The following RASGRP4 variants were observed in gnomAD, a reference collection of about 807,000 sequenced individuals.
The protein encoded by RASGRP4 is RAS guanyl releasing protein 4.
A neutral mutation model predicts 84.4 loss-of-function variants in RASGRP4; 52 were observed. The observed-to-expected ratio is 0.62, with a 90% confidence interval of 0.49 to 0.78. The LOEUF (loss-of-function observed/expected upper bound fraction) is 0.78. Among genes scored for constraint, RASGRP4 ranks in the 30% least tolerant of loss-of-function variants. RASGRP4 has a pLI of 0.00. For synonymous variants in RASGRP4, 356 were observed against 359.1 expected, an observed-to-expected ratio of 0.99 and a Z score of 0.10; for missense variants, 760 against 886.9, an observed-to-expected ratio of 0.86 and a Z score of 1.82.
chr19:38,410,742 C>A, intron 16 of RASGRP4, 144 bp downstream of exon 16: 1 of 628,948 alleles, frequency 1.6e-6, no homozygotes, highest in Non-Finnish European at 2.8e-6. Context: ...AAAAAGTAAC[C>A]AGTATCCATA....
At chr19:38,420,567 A>G (rs902991986) in intron 4 of RASGRP4, among the ~76,000 whole-genome samples, 3 of 150,404 alleles carry the variant, frequency 2.0e-5, no homozygotes, top group Non-Finnish European at 4.4e-5. Context: ...TCCGGGGGTG[A>G]AATTTTTGGA....
At position 38,422,116 on chromosome 19, in the gene RASGRP4, G is replaced by GA. The variant is rs1568415683; in HGVS notation, c.60_61insT (p.Arg21SerfsTer33). On this transcript the variant is annotated frameshift_variant, in exon 2 of 17. Coordinates refer to ENST00000615439, the MANE Select transcript of RASGRP4 (RefSeq NM_170604.3). LOFTEE classifies it high-confidence loss of function. The stretch of plus-strand genomic sequence containing the variant: ...CGGCGCACTTGGCGGGGCCGGCCTC[G>GA]CCCTCCTATTTTTCCGGTGCATTCC... The GA allele has an allele frequency of 6.2e-7, 1 of 1,612,580 alleles. No homozygotes were observed. The highest frequency in any genetic ancestry group is 2.2e-5 in the East Asian group (1 of 44,830).
chr19:38,422,543 T>A (rs1305874379), intron 1 of RASGRP4, among the ~76,000 whole-genome samples: 1 of 152,004 alleles, frequency 6.6e-6, no homozygotes, highest in Non-Finnish European at 1.5e-5. Flanking sequence ...GGCATTAGAC[T>A]CTCTTAGGAG....
At position 38,415,090 on chromosome 19, in the gene RASGRP4, G is replaced by A. The variant is rs1208221586; in HGVS notation, c.988C>T (p.His330Tyr). 1.3e-6 allele frequency: 2 copies of A among 1,599,982 alleles called. No homozygotes were observed. Among genetic ancestry groups the A allele is most frequent in the Non-Finnish European group, 8.5e-7 (1 of 1,173,308 alleles). The change falls in exon 9 of 17, where the codon CAC becomes TAC. Residue 330 changes from histidine to tyrosine, a missense_variant. Transcript: ENST00000615439. ...CGGCGGTAGCGGGCGTAGTTGTTGT[G>A]GGAGGCAAGGAGCTCAGTGAGCTCC... ...LLELTELLASHNNYARYRRTW... is the reference protein window; with the variant it reads ...LLELTELLASYNNYARYRRTW...
At chr19:38,424,002 G>A (rs541834764) in intron 1 of RASGRP4, among the ~76,000 whole-genome samples, 127 of 152,294 alleles carry the variant, frequency 8.3e-4, no homozygotes, top group African/African-American at 3.0e-3. Flanking sequence ...GTAGAATCCA[G>A]AAATTTTTGC....
rs1388053792 is a variant in RASGRP4 at position 38,417,476 on chromosome 19, A to G, written c.838-308T>C. On this transcript the variant is annotated intron_variant, in intron 7 of 16. Coordinates refer to ENST00000615439, the MANE Select transcript of RASGRP4 (RefSeq NM_170604.3). This position sits in a 1 kb window ranked among gnomAD's most constrained non-coding sequence, Gnocchi z 5.1. ...TTTGGGGAATAGACAGGTGTGTGTC[A>G]GGTGGAGGAGGCTTCAGACATGTCA... 1.3e-5 allele frequency among the ~76,000 whole-genome samples: 2 copies of G among 152,182 alleles called. No individual in the cohort carries two copies. The highest frequency in any genetic ancestry group is 6.5e-5 in the Admixed American group (1 of 15,276).
intron 9 of RASGRP4, 23 bp downstream of exon 9, chr19:38,414,825 T>C (rs1237476047): frequency 6.4e-7 from 1 of 1,562,342 alleles, no homozygotes; most frequent in Non-Finnish European, 8.7e-7. Flanking sequence ...AAGCCCAGCC[T>C]GGGCGGGGCC....
intron 3 of RASGRP4, 44 bp downstream of exon 3, chr19:38,421,051 C>T (rs748550730): frequency 5.0e-6 from 8 of 1,605,020 alleles, no homozygotes; most frequent in Non-Finnish European, 6.8e-6. Flanking sequence ...TCTCACGACT[C>T]TGCCCTCTGC....
chr19:38,417,011 A>G lies in RASGRP4; in HGVS notation c.954+41T>C. 8.1e-7 allele frequency: 1 copy of G among 1,230,644 alleles called. No individual in the cohort carries two copies. The highest frequency in any genetic ancestry group is 2.0e-5 in the Admixed American group (1 of 50,608). The allele number at this position is 1,230,644 out of a possible 1,614,324, so 76.2% of individuals were successfully genotyped here. A position where few individuals can be genotyped will look rare whatever the true frequency, so the allele number is the denominator to read the frequency against. On this transcript the variant is annotated intron_variant, in intron 8 of 16. Coordinates refer to ENST00000615439, the MANE Select transcript of RASGRP4 (RefSeq NM_170604.3). The surrounding 1 kb of genome is among the most constrained non-coding windows in gnomAD (Gnocchi z 5.1). The stretch of plus-strand genomic sequence containing the variant: ...GGAATTAGGTGTGGGGGCTCAAGAC[A>G]GCTGACCACTTGGAGCTTTGGGGAG...
rs1339108409 is a variant in RASGRP4, at chr19:38,417,068, C to G, written c.938G>C (p.Ser313Thr). Residue 313 changes from serine (S) to threonine (T), a missense_variant, in exon 8 of 17, where the codon AGC becomes ACC. Transcript: ENST00000615439. This position sits in a 1 kb window ranked among gnomAD's most constrained non-coding sequence, Gnocchi z 5.1. Reference protein sequence around the residue: ...SRLKDSHAHLSPDSTKALLEL... With the variant: ...SRLKDSHAHLTPDSTKALLEL... ...GGGATTCACCTTGGTGCTGTCAGGG[C>G]TCAGGTGGGCATGGGAGTCCTTGAG... 6 of 1,555,748 alleles carry G rather than the reference C, an allele frequency of 3.9e-6. No individual in the cohort carries two copies. The highest frequency in any genetic ancestry group is 5.2e-6 in the Non-Finnish European group (6 of 1,148,144).
chr19:38,415,369 T>C (rs1223806139), intron 8 of RASGRP4, among the ~76,000 whole-genome samples: 1 of 149,388 alleles, frequency 6.7e-6, no homozygotes, highest in Non-Finnish European at 1.5e-5. Flanking sequence ...TCTTTCTTTT[T>C]GATTTTTTTT....
intron 1 of RASGRP4, among the ~76,000 whole-genome samples, chr19:38,424,981 C>T (rs1045485129): frequency 5.9e-5 from 9 of 151,840 alleles, no homozygotes; most frequent in Admixed American, 5.3e-4. Flanking sequence ...GTCAAGAGAT[C>T]GAGACCATCC....
At position 38,426,068 on chromosome 19, in the gene RASGRP4, C is replaced by T; in HGVS notation, c.23+1G>A. 1 of 1,359,144 alleles carries T rather than the reference C, an allele frequency of 7.4e-7. No homozygotes were observed. The allele number at this position is 1,359,144 out of a possible 1,614,324, so 84.2% of individuals were successfully genotyped here. On this transcript the variant is annotated splice_donor_variant, in intron 1 of 16. Coordinates refer to ENST00000615439, the MANE Select transcript of RASGRP4 (RefSeq NM_170604.3). LOFTEE classifies it high-confidence loss of function. ...GGGCTCCCTGGGGAGGGTCCTCTCA[C>T]CTCTTACTGTCTTTTCTGTTCATGC... is the stretch of plus-strand genomic sequence containing the variant.
In RASGRP4 at chr19:38,426,149, C is replaced by T; in HGVS notation, c.-58G>A. 3 of 1,268,958 alleles carry T rather than the reference C, an allele frequency of 2.4e-6. No homozygotes were observed. The highest frequency in any genetic ancestry group is 3.0e-6 in the Non-Finnish European group (3 of 994,360). The allele number at this position is 1,268,958 out of a possible 1,614,324, so 78.6% of individuals were successfully genotyped here. On this transcript the variant is annotated 5_prime_UTR_variant, in exon 1 of 17. Transcript: ENST00000615439. ...TTGCAAGAGTAGGGCTCAGCTCCTC[C>T]CCTTGCCCAGGACTCCAGCTTCTCA... is the stretch of plus-strand genomic sequence containing the variant.
chr19:38,418,777 T>C lies in RASGRP4; in HGVS notation c.664-213A>G, dbSNP rs1308060247. ...GGCATGTTTCAATATAGCCAGGCAC[T>C]ATATTTGACAAGTAATCATATTAAA... On this transcript the variant is annotated intron_variant, in intron 6 of 16. Coordinates refer to ENST00000615439, the MANE Select transcript of RASGRP4 (RefSeq NM_170604.3). The surrounding 1 kb of genome is among the most constrained non-coding windows in gnomAD (Gnocchi z 4.6). 6.6e-6 allele frequency among the ~76,000 whole-genome samples: 1 copy of C among 152,206 alleles called. No individual in the cohort carries two copies. Among genetic ancestry groups the C allele is most frequent in the Non-Finnish European group, 1.5e-5 (1 of 68,036 alleles).
At chr19:38,414,809 C>G (rs749011048) in intron 9 of RASGRP4, 39 bp downstream of exon 9, 2 of 1,541,472 alleles carry the variant, frequency 1.3e-6, no homozygotes, top group East Asian at 2.4e-5. Flanking sequence ...ATCTCAGTAC[C>G]CTTGGAAGCC....
chr19:38,414,863 C>T lies in RASGRP4; in HGVS notation c.1215G>A (p.Leu405=). ...QHPPCSANED[L]LHLLTLSLDL... ...GGGGGCTCACCGTGAGCAGGTGCAG[C>T]AGATCCTCATTGGCGCTGCAGGGTG... is the stretch of plus-strand genomic sequence containing the variant. The change falls in exon 9 of 17, where the codon CTG becomes CTA. Residue 405 remains leucine, a synonymous_variant. Coordinates refer to ENST00000615439, the MANE Select transcript of RASGRP4 (RefSeq NM_170604.3). The T allele has an allele frequency of 6.3e-7, 1 of 1,596,686 alleles. No homozygotes were observed. The highest frequency in any genetic ancestry group is 2.3e-5 in the East Asian group (1 of 44,130).
At chr19:38,410,398 T>G (rs530313532) in intron 16 of RASGRP4, among the ~76,000 whole-genome samples, 2 of 151,590 alleles carry the variant, frequency 1.3e-5, no homozygotes, top group Admixed American at 1.3e-4. Context: ...CCCAACATGT[T>G]GAAACTTCTA....
chr19:38,412,789 C>G lies in RASGRP4; in HGVS notation c.1563G>C (p.Leu521=). 6.2e-7 allele frequency: 1 copy of G among 1,606,940 alleles called. No individual in the cohort carries two copies. The highest frequency in any genetic ancestry group is 8.5e-7 in the Non-Finnish European group (1 of 1,176,624). The change falls in exon 13 of 17, where the codon CTG becomes CTC. Residue 521 remains leucine (L), a synonymous_variant. Coordinates refer to ENST00000615439, the MANE Select transcript of RASGRP4 (RefSeq NM_170604.3). This position sits in a 1 kb window ranked among gnomAD's most constrained non-coding sequence, Gnocchi z 4.6. ...QGRGSFSREE[L]TGYLLRASAI... ...CGCTGGCCCGGAGCAGGTACCCTGTCAGCTCCTCTCTGCTGAAGGATCCTC... is the reference window on the plus strand; with the variant it reads ...CGCTGGCCCGGAGCAGGTACCCTGTGAGCTCCTCTCTGCTGAAGGATCCTC...
Sources: gnomAD v4.1 joint callset for allele counts (sites outside exome capture counted in the v4.1 genomes callset) on GRCh38, gnomAD v4.1.1 for gene constraint, Gnocchi (gnomAD v3.1) non-coding constraint, MANE v1.5 for transcripts, NCBI Gene and HGNC (gene_info 2026-07-23, HGNC 2026-07-21) for gene names.